Variants in FYB2 observed in about 807,000 individuals in gnomAD.
The protein encoded by FYB2 is FYN-binding protein 2.
FYB2 carries 103 observed loss-of-function variants against 94.1 expected under a neutral mutation model. The observed-to-expected ratio is 1.09, with a 90% CI of 0.93 to 1.29. The LOEUF is 1.29. FYB2 is among the 50% of genes most tolerant of loss of function. The probability of loss-of-function intolerance (pLI) is 0.00; values close to 1 mark genes in which losing one functional copy is unlikely to be tolerated. For synonymous variants in FYB2, 293 were observed against 287.9 expected (o/e 1.02, Z -0.18); for missense variants, 896 against 841.5 (o/e 1.06, Z -0.80).
At chr1:56,808,591 T>G (rs1646696696) in intron 1 of FYB2, among the ~76,000 whole-genome samples, 1 of 152,096 alleles carries the variant, frequency 6.6e-6, no homozygotes, top group Non-Finnish European at 1.5e-5. Flanking sequence ...TCCTTCACCT[T>G]GGGAGGTTGC....
chr1:56,745,840 T>C (rs368146255), intron 9 of FYB2, among the ~76,000 whole-genome samples: 2 of 152,018 alleles, frequency 1.3e-5, no homozygotes, highest in African/African-American at 4.8e-5. Context: ...TCTCCTACTA[T>C]ACTCTTCCTC....
Position 56,726,496 on chromosome 1 carries a change from C to G in FYB2, c.1880+1G>C. ...TAATAGAAGTGCCTCTGTGTTCCCA[C>G]CTTTCTGATTCTTCAGCACCGTTTT... On this transcript the variant is annotated splice_donor_variant, in intron 16 of 19. Transcript: ENST00000343433. LOFTEE classifies it high-confidence loss of function. 1 of 1,611,036 alleles carries G rather than the reference C, an allele frequency of 6.2e-7. No homozygotes were observed. The highest frequency in any genetic ancestry group is 1.1e-5 in the South Asian group (1 of 90,682).
chr1:56,785,518 C>G (rs1646113934), intron 4 of FYB2, among the ~76,000 whole-genome samples: 1 of 152,194 alleles, frequency 6.6e-6, no homozygotes, highest in Non-Finnish European at 1.5e-5. Context: ...AAAGGGATGA[C>G]TAACCCAGGA....
chr1:56,790,742 G>C (rs778840708), intron 2 of FYB2, among the ~76,000 whole-genome samples: 5 of 152,198 alleles, frequency 3.3e-5, no homozygotes, highest in Non-Finnish European at 5.9e-5. Context: ...GAGCATTACA[G>C]AGATCCATTA....
chr1:56,808,999 A>G (rs542710629), intron 1 of FYB2, among the ~76,000 whole-genome samples: 2 of 152,240 alleles, frequency 1.3e-5, no homozygotes, highest in Admixed American at 6.5e-5. Flanking sequence ...TTACACACAC[A>G]CATACACATA....
intron 15 of FYB2, among the ~76,000 whole-genome samples, chr1:56,735,522 C>A (rs1228110095): frequency 6.6e-6 from 1 of 152,064 alleles, no homozygotes; most frequent in Non-Finnish European, 1.5e-5. Context: ...GGAATATGTT[C>A]TAGTGTTCTA....
chr1:56,788,370 G>A (rs1438259056), intron 3 of FYB2, among the ~76,000 whole-genome samples: 1 of 152,164 alleles, frequency 6.6e-6, no homozygotes, highest in Non-Finnish European at 1.5e-5. Flanking sequence ...CATAAGCTAA[G>A]GCATTTAAAA....
chr1:56,796,543 A>G (rs1646402441), intron 1 of FYB2, among the ~76,000 whole-genome samples: 1 of 152,088 alleles, frequency 6.6e-6, no homozygotes, highest in African/African-American at 2.4e-5. Flanking sequence ...GCTGTTAGAC[A>G]AACCTCTTTA....
chr1:56,760,418 C>T (rs1174671969), intron 5 of FYB2, among the ~76,000 whole-genome samples: 1 of 152,044 alleles, frequency 6.6e-6, no homozygotes, highest in East Asian at 1.9e-4. Flanking sequence ...TTGACACAGA[C>T]CTAAAATTCT....
intron 1 of FYB2, 90 bp from the exon 2 acceptor site, chr1:56,792,893 A>G (rs1646307103): frequency 7.3e-7 from 1 of 1,363,774 alleles, no homozygotes; most frequent in African/African-American, 1.5e-5. Context: ...TCCAAGAAAA[A>G]AAGTCAGTGT....
At chr1:56,737,200 G>T in intron 14 of FYB2, 53 bp from the exon 15 acceptor site, 2 of 1,366,472 alleles carry the variant, frequency 1.5e-6, no homozygotes, top group Non-Finnish European at 2.0e-6. Context: ...GTTTATATAA[G>T]CACTGACTTT....
chr1:56,795,751 A>C (rs192690941), intron 1 of FYB2, among the ~76,000 whole-genome samples: 2 of 152,290 alleles, frequency 1.3e-5, no homozygotes, highest in African/African-American at 4.8e-5. Flanking sequence ...CCACATGGAC[A>C]ACTACTGTAC....
intron 15 of FYB2, among the ~76,000 whole-genome samples, chr1:56,726,795 C>T (rs1473467245): frequency 6.6e-6 from 1 of 152,098 alleles, no homozygotes; most frequent in Non-Finnish European, 1.5e-5. Flanking sequence ...ACTGTTGCAA[C>T]TTTATACACA....
At chr1:56,745,056 C>G (rs747760503) in intron 9 of FYB2, among the ~76,000 whole-genome samples, 6 of 151,906 alleles carry the variant, frequency 3.9e-5, no homozygotes, top group Non-Finnish European at 7.4e-5. Flanking sequence ...GTGTAGGCCC[C>G]AAACCATCTC....
intron 5 of FYB2, among the ~76,000 whole-genome samples, chr1:56,759,926 C>G (rs1478767759): frequency 1.3e-5 from 2 of 151,884 alleles, no homozygotes; most frequent in Non-Finnish European, 2.9e-5. Flanking sequence ...ACTAAAAATA[C>G]AAAAATTAGT....
At chr1:56,805,402 T>C (rs894640708) in intron 1 of FYB2, among the ~76,000 whole-genome samples, 3 of 152,234 alleles carry the variant, frequency 2.0e-5, no homozygotes, top group Non-Finnish European at 4.4e-5. Context: ...AAGGTGCTTA[T>C]TATGTTAATG....
rs1156845 is a variant in FYB2 at position 56,744,022 on chromosome 1, T to G, written c.1543+4A>C. On this transcript the variant is annotated splice_donor_region_variant and intron_variant, in intron 11 of 19. Coordinates refer to ENST00000343433, the MANE Select transcript of FYB2 (RefSeq NM_001004303.5). The stretch of plus-strand genomic sequence containing the variant: ...CAACTTCAGAAATGTCTTCCTATAC[T>G]TACCACTACTTGAGGCAAGTGAGCT... 7.4e-6 allele frequency: 12 copies of G among 1,611,824 alleles called. No individual in the cohort carries two copies. Among genetic ancestry groups the G allele is most frequent in the East Asian group, 6.7e-5 (3 of 44,784 alleles).
chr1:56,810,098 T>A (rs1646732538), intron 1 of FYB2, among the ~76,000 whole-genome samples: 1 of 152,114 alleles, frequency 6.6e-6, no homozygotes, highest in Non-Finnish European at 1.5e-5. Context: ...AGGAAGACAG[T>A]GATTATCATG....
chr1:56,753,198 T>C (rs1223195640), intron 8 of FYB2, among the ~76,000 whole-genome samples: 3 of 152,070 alleles, frequency 2.0e-5, no homozygotes, highest in East Asian at 3.9e-4. Context: ...GTACTGGCAA[T>C]AGCCCTGGTG....
Sources: allele counts gnomAD v4.1 joint callset (sites outside exome capture counted in the v4.1 genomes callset), GRCh38; gene constraint gnomAD v4.1.1; transcripts MANE v1.5; gene names NCBI Gene and HGNC (gene_info 2026-07-23, HGNC 2026-07-21).